The following AGBL4 variants were observed in gnomAD, a reference collection of about 807,000 sequenced individuals.
The protein encoded by AGBL4 is AGBL carboxypeptidase 4.
In AGBL4, 58 loss-of-function variants were observed where a neutral mutation model predicts 66.4. The ratio of observed to expected loss-of-function variants is 0.87; its 90% CI spans 0.71 to 1.09. The LOEUF (loss-of-function observed/expected upper bound fraction) is 1.09. AGBL4 is among the 50% of genes least tolerant of loss of function. The pLI, the probability that AGBL4 is intolerant of heterozygous loss-of-function variation, is 0.00. For missense variants in AGBL4, 579 were observed against 631.0 expected (o/e 0.92, Z 0.88); for synonymous variants, 234 against 222.9 (o/e 1.05, Z -0.44).
At chr1:49,377,330 A>C (rs537629417) in intron 3 of AGBL4, among the ~76,000 whole-genome samples, 29 of 152,180 alleles carry the variant, frequency 1.9e-4, no homozygotes, top group African/African-American at 7.0e-4. Context: ...TATCTCTTTT[A>C]ATTCTTCCAT....
intron 4 of AGBL4, among the ~76,000 whole-genome samples, chr1:49,157,336 G>C (rs1051383202): frequency 2.0e-5 from 3 of 150,624 alleles, no homozygotes; most frequent in South Asian, 2.1e-4. Context: ...TGAGGTGTTT[G>C]GTTTTCTCTT....
Position 49,230,689 on chromosome 1 carries a change from T to C in AGBL4, c.377+15081A>G, listed in dbSNP as rs1650245286. 5.3e-5 allele frequency among the ~76,000 whole-genome samples: 8 copies of C among 152,334 alleles called. No homozygotes were observed. In the South Asian group the frequency reaches 1.7e-3, roughly 32 times the overall value. ...AAATATTGAAACAAAAATAATATTCTCCCTAATATATTCATTTTAATTGTT... is the reference window on the plus strand; with the variant it reads ...AAATATTGAAACAAAAATAATATTCCCCCTAATATATTCATTTTAATTGTT... On this transcript the variant is annotated intron_variant, in intron 4 of 13. Transcript: ENST00000371839.
At chr1:49,401,651 G>C (rs761368447) in intron 3 of AGBL4, among the ~76,000 whole-genome samples, 48 of 152,012 alleles carry the variant, frequency 3.2e-4, no homozygotes, top group Admixed American at 1.5e-3. Flanking sequence ...TTTCCTTTTT[G>C]ATGTATCCTT....
intron 3 of AGBL4, among the ~76,000 whole-genome samples, chr1:49,510,724 G>A (rs1371937318): frequency 6.6e-6 from 1 of 151,724 alleles, no homozygotes; most frequent in Admixed American, 6.6e-5. Flanking sequence ...TAGGTCTAAT[G>A]TTTAAGTCTT....
intron 3 of AGBL4, among the ~76,000 whole-genome samples, chr1:49,272,828 A>G (rs1475406809): frequency 2.0e-5 from 3 of 152,196 alleles, no homozygotes; most frequent in Non-Finnish European, 4.4e-5. Context: ...CTCATTAATA[A>G]ACCAGCCTAA....
At chr1:49,031,972 A>C (rs1281736672) in intron 5 of AGBL4, among the ~76,000 whole-genome samples, 1 of 152,186 alleles carries the variant, frequency 6.6e-6, no homozygotes, top group Non-Finnish European at 1.5e-5. Context: ...ACAAGAAAGA[A>C]TTCCATGAAG....
chr1:48,561,177 G>A, intron 11 of AGBL4, among the ~76,000 whole-genome samples: 1 of 152,134 alleles, frequency 6.6e-6, no homozygotes, highest in Non-Finnish European at 1.5e-5. Context: ...CATTTGTAAA[G>A]GAAGAAGAAT....
At chr1:49,253,293 C>A (rs766038379) in intron 3 of AGBL4, among the ~76,000 whole-genome samples, 5 of 152,004 alleles carry the variant, frequency 3.3e-5, no homozygotes, top group Non-Finnish European at 2.9e-5. Context: ...ACCAACAAAG[C>A]CCAAAATGAC....
intron 3 of AGBL4, among the ~76,000 whole-genome samples, chr1:49,376,419 G>C (rs2148563771): frequency 1.3e-5 from 2 of 152,042 alleles, no homozygotes; most frequent in South Asian, 4.2e-4. Context: ...AAAAGAAAGA[G>C]GTAGGATACT....
intron 3 of AGBL4, among the ~76,000 whole-genome samples, chr1:49,407,355 T>G (rs1296788767): frequency 2.0e-5 from 3 of 152,202 alleles, no homozygotes; most frequent in Non-Finnish European, 4.4e-5. Context: ...CACCACTGGC[T>G]CTTCTGGGTC....
chr1:49,989,939 A>G (rs1371638526), intron 1 of AGBL4, among the ~76,000 whole-genome samples: 1 of 152,206 alleles, frequency 6.6e-6, no homozygotes. Flanking sequence ...CTTCAATTAC[A>G]TAATTTTCCA....
intron 3 of AGBL4, chr1:49,269,014 A>C (rs530646134): frequency 2.0e-5 from 3 of 152,352 alleles, no homozygotes; most frequent in African/African-American, 7.2e-5. Context: ...GCTTTAAGCC[A>C]AGACCTCAAG....
chr1:49,411,448 A>G (rs1645313042), intron 3 of AGBL4, among the ~76,000 whole-genome samples: 2 of 152,206 alleles, frequency 1.3e-5, no homozygotes, highest in South Asian at 4.1e-4. Context: ...ACCCTCATAG[A>G]CACACCGGGA....
chr1:48,832,223 T>A (rs533224604), intron 6 of AGBL4, among the ~76,000 whole-genome samples: 8 of 152,318 alleles, frequency 5.3e-5, no homozygotes, highest in African/African-American at 1.9e-4. Flanking sequence ...TTTCCTCTCC[T>A]GGAGCTGCAT....
chr1:49,991,571 T>A (rs908013860), intron 1 of AGBL4, among the ~76,000 whole-genome samples: 4 of 152,208 alleles, frequency 2.6e-5, no homozygotes, highest in Admixed American at 2.0e-4. Flanking sequence ...ATCAGTTTTA[T>A]CTCCTCTCCT....
chr1:48,733,021 C>G (rs776804114), intron 6 of AGBL4, among the ~76,000 whole-genome samples: 8 of 152,122 alleles, frequency 5.3e-5, no homozygotes, highest in Non-Finnish European at 7.3e-5. Flanking sequence ...CACTGGGGAC[C>G]TTGGTGAAAA....
chr1:48,664,462 T>C (rs1646155582), intron 6 of AGBL4, among the ~76,000 whole-genome samples: 1 of 152,196 alleles, frequency 6.6e-6, no homozygotes, highest in Non-Finnish European at 1.5e-5. Context: ...AGGGAAAAAC[T>C]ACTCTAGACC....
chr1:49,708,500 G>A (rs988551679), intron 2 of AGBL4, among the ~76,000 whole-genome samples: 1 of 151,978 alleles, frequency 6.6e-6, no homozygotes, highest in Non-Finnish European at 1.5e-5. Flanking sequence ...GTTAGAACAT[G>A]CTCCTTTAGC....
chr1:48,860,155 A>G (rs111675813), intron 6 of AGBL4, among the ~76,000 whole-genome samples: 4 of 152,210 alleles, frequency 2.6e-5, no homozygotes, highest in Non-Finnish European at 4.4e-5. Context: ...GTACTTCCTC[A>G]TATTGCCTCC....
Sources: gnomAD v4.1 joint callset for allele counts (sites outside exome capture counted in the v4.1 genomes callset) on GRCh38, gnomAD v4.1.1 for gene constraint, MANE v1.5 for transcripts, NCBI Gene and HGNC (gene_info 2026-07-23, HGNC 2026-07-21) for gene names.